Variants in PNP observed in about 807,000 individuals in gnomAD.
The protein encoded by PNP is HEL-S-156an.
A neutral mutation model predicts 26.8 loss-of-function variants in PNP; 18 were observed. The ratio of observed to expected loss-of-function variants is 0.67; its 90% CI spans 0.46 to 1.00. The LOEUF (loss-of-function observed/expected upper bound fraction) is 1.00. Ranked by LOEUF, PNP falls within the 50% of genes least tolerant of loss-of-function variation. The pLI is 0.00. For synonymous variants in PNP, 116 were observed against 124.8 expected, an observed-to-expected ratio of 0.93 and a Z score of 0.47; for missense variants, 320 against 362.9, an observed-to-expected ratio of 0.88 and a Z score of 0.96.
Position 20,475,615 on chromosome 14 carries a change from G to A in PNP, c.652+363G>A, listed in dbSNP as rs373936258. Among the ~76,000 whole-genome samples the A allele has an allele frequency of 3.9e-5, 6 of 152,078 alleles. No homozygotes were observed. The East Asian group carries it at 9.7e-4, about 25-fold the overall frequency. ...TTCTCATGCCTCAGCCTTCCGAGTA[G>A]CTGGGATTACAGACGTGTGCCACCA... On this transcript the variant is annotated intron_variant, in intron 5 of 5. Coordinates refer to ENST00000361505, the MANE Select transcript of PNP (RefSeq NM_000270.4).
chr14:20,476,691 CT>C lies in PNP; in HGVS notation c.*92del. On this transcript the variant is annotated 3_prime_UTR_variant, in exon 6 of 6. Transcript: ENST00000361505. ...CTTGCTGGAGTCATGTGCCTCTGTC[CT>C]TAGGTTGTAGCAGAAAGGAAAAGAT... 9.9e-7 allele frequency: 1 copy of C among 1,008,886 alleles called. No individual in the cohort carries two copies. The highest frequency in any genetic ancestry group is 1.6e-6 in the Non-Finnish European group (1 of 641,430). The allele number at this position is 1,008,886 out of a possible 1,614,324, so 62.5% of individuals were successfully genotyped here. A position where few individuals can be genotyped will look rare whatever the true frequency, so the allele number is the denominator to read the frequency against.
intron 1 of PNP, among the ~76,000 whole-genome samples, chr14:20,471,348 C>G (rs1295488137): frequency 2.0e-5 from 3 of 151,566 alleles, no homozygotes; most frequent in Non-Finnish European, 4.4e-5. Context: ...CGCGCCCAGC[C>G]CCTAAACCTG....
In PNP at chr14:20,469,437, C is replaced by G. The variant is rs1881935154; in HGVS notation, c.-88C>G. The G allele has an allele frequency of 1.3e-6, 2 of 1,518,894 alleles. No homozygotes were observed. The highest frequency in any genetic ancestry group is 3.9e-5 in the Admixed American group (2 of 50,940). The allele number at this position is 1,518,894 out of a possible 1,614,324, so 94.1% of individuals were successfully genotyped here. Reference sequence around the variant, plus strand: ...GCGAACCAGACCCGGCAGCCTTGCTCAGTTCAGCATAGCGGAGCGGATCCG... The same window carrying G: ...GCGAACCAGACCCGGCAGCCTTGCTGAGTTCAGCATAGCGGAGCGGATCCG... On this transcript the variant is annotated 5_prime_UTR_variant, in exon 1 of 6. Coordinates refer to ENST00000361505, the MANE Select transcript of PNP (RefSeq NM_000270.4).
chr14:20,475,293 G>C (rs373320451), intron 5 of PNP, 41 bp downstream of exon 5: 1 of 1,577,332 alleles, frequency 6.3e-7, no homozygotes, highest in Non-Finnish European at 8.7e-7. Flanking sequence ...AGAGGGAGGG[G>C]TTTAGCAAAA....
In PNP at chr14:20,475,293, G is replaced by T; in HGVS notation, c.652+41G>T. 2.5e-6 allele frequency: 4 copies of T among 1,577,332 alleles called. 1 individual carries two copies. The highest frequency in any genetic ancestry group is 2.2e-5 in the South Asian group (2 of 88,972). On this transcript the variant is annotated intron_variant, in intron 5 of 5. Coordinates refer to ENST00000361505, the MANE Select transcript of PNP (RefSeq NM_000270.4). ...TGGCTGGAAGCTTGAAGAGGGAGGG[G>T]TTTAGCAAAATGGGAAGGGGAAGGA...
At chr14:20,469,571 AGGGGCAGGTGCTGTGACCC>A (rs1007132558) in intron 1 of PNP, 36 bp downstream of exon 1, 21 of 1,553,712 alleles carry the variant, frequency 1.4e-5, no homozygotes, top group Non-Finnish European at 1.8e-5. Flanking sequence ...ACCCTTGGGG[AGGGGCAGGTGCTGTGACCC>A]GGGAACCTGG....
At chr14:20,474,747 T>C (rs1882061161) in intron 3 of PNP, 26 bp from the exon 4 acceptor site, 1 of 1,610,810 alleles carries the variant, frequency 6.2e-7, no homozygotes, top group Middle Eastern at 1.7e-4. Context: ...ATTTTGTAAA[T>C]TTTTTTCGGA....
At chr14:20,472,245 T>A in intron 1 of PNP, 63 bp from the exon 2 acceptor site, 8 of 1,440,446 alleles carry the variant, frequency 5.6e-6, no homozygotes, top group Non-Finnish European at 7.8e-6. Context: ...GCACCGAAGG[T>A]CATTTGTCTG....
chr14:20,472,578 T>C, intron 2 of PNP, 101 bp downstream of exon 2: 1 of 1,106,418 alleles, frequency 9.0e-7, no homozygotes, highest in East Asian at 2.5e-5. Flanking sequence ...GACCTAGCAT[T>C]TCACTGAAGA....
chr14:20,471,341 G>A (rs369432349), intron 1 of PNP, among the ~76,000 whole-genome samples: 1 of 151,090 alleles, frequency 6.6e-6, no homozygotes, highest in Non-Finnish European at 1.5e-5. Flanking sequence ...GAGCCACCGC[G>A]CCCAGCCCCT....
chr14:20,475,107 T>C lies in PNP; in HGVS notation c.507T>C (p.Thr169=), dbSNP rs1214865119. Reference sequence around the variant, plus strand: ...CCATGTCTGATGCCTACGACCGGACTATGAGGCAGAGGGCTCTCAGTACCT... The same window carrying C: ...CCATGTCTGATGCCTACGACCGGACCATGAGGCAGAGGGCTCTCAGTACCT... ...FPAMSDAYDR[T]MRQRALSTWK... Residue 169 remains threonine, a synonymous_variant, in exon 5 of 6, where the codon ACT becomes ACC. Transcript: ENST00000361505. 6.2e-7 allele frequency: 1 copy of C among 1,614,184 alleles called. No individual in the cohort carries two copies. The highest frequency in any genetic ancestry group is 8.5e-7 in the Non-Finnish European group (1 of 1,180,040).
At position 20,474,543 on chromosome 14, in the gene PNP, T is replaced by G. The variant is rs1425542610; in HGVS notation, c.253T>G (p.Phe85Val). 1 of 1,614,146 alleles carries G rather than the reference T, an allele frequency of 6.2e-7. No homozygotes were observed. The highest frequency in any genetic ancestry group is 8.5e-7 in the Non-Finnish European group (1 of 1,180,008). ...GRACVMMQGRFHMYEGYPLWK... is the reference protein window; with the variant it reads ...GRACVMMQGRVHMYEGYPLWK... ...GGCCTGTGTGATGATGCAGGGCAGG[T>G]TCCACATGTATGAAGGGTACCCACT... The change falls in exon 3 of 6, where the codon TTC (phenylalanine) becomes GTC (valine). Residue 85 changes from phenylalanine (F) to valine (V), a missense_variant. Phe to Val is a conservative substitution (Grantham distance 50). Transcript: ENST00000361505.
chr14:20,474,641 A>G (rs2139337729), intron 3 of PNP, 66 bp downstream of exon 3: 1 of 1,541,000 alleles, frequency 6.5e-7, no homozygotes, highest in Non-Finnish European at 9.0e-7. Flanking sequence ...AGCCTCTTTC[A>G]CTACCTAGCT....
chr14:20,474,433 A>T (rs759876226), intron 2 of PNP, 39 bp from the exon 3 acceptor site: 1 of 1,545,452 alleles, frequency 6.5e-7, no homozygotes, highest in Non-Finnish European at 8.9e-7. Context: ...TTGCATGAAA[A>T]TATAATCCCA....
intron 1 of PNP, 21 bp downstream of exon 1, chr14:20,469,556 G>T (rs749970111): frequency 6.5e-5 from 101 of 1,554,714 alleles, no homozygotes; most frequent in Non-Finnish European, 8.4e-5. Flanking sequence ...CACCAGGCCC[G>T]CAGGACCCTT....
intron 1 of PNP, among the ~76,000 whole-genome samples, chr14:20,471,860 C>CAG (rs1881994261): frequency 6.6e-6 from 1 of 152,212 alleles, no homozygotes; most frequent in South Asian, 2.1e-4. Context: ...GCACCACCCT[C>CAG]AGGAAGGGCT....
Position 20,476,652 on chromosome 14 carries a change from A to C in PNP, c.*51A>C, listed in dbSNP as rs372200673. 1 of 1,458,314 alleles carries C rather than the reference A, an allele frequency of 6.9e-7. No homozygotes were observed. 90.3% of individuals were successfully genotyped at this position (1,458,314 alleles called of 1,614,324 possible). A position where few individuals can be genotyped will look rare whatever the true frequency, so the allele number is the denominator to read the frequency against. On this transcript the variant is annotated 3_prime_UTR_variant, in exon 6 of 6. Transcript: ENST00000361505. ...CCCACACAAGACCCAAGTAGCTGCT[A>C]CCTTCTTTGGCCCCTTGCTGGAGTC... is the stretch of plus-strand genomic sequence containing the variant.
chr14:20,472,593 T>C, intron 2 of PNP, 116 bp downstream of exon 2: 2 of 1,024,770 alleles, frequency 2.0e-6, no homozygotes, highest in Non-Finnish European at 3.0e-6. Flanking sequence ...TGAAGACAAA[T>C]GTTGTAAGAG....
chr14:20,469,679 C>A, intron 1 of PNP, 144 bp downstream of exon 1: 1 of 1,143,702 alleles, frequency 8.7e-7, no homozygotes, highest in South Asian at 1.3e-5. Context: ...AGCCTAGTGT[C>A]GGGAGCAAGG....
Sources: allele counts gnomAD v4.1 joint callset (sites outside exome capture counted in the v4.1 genomes callset), GRCh38; gene constraint gnomAD v4.1.1; transcripts MANE v1.5; gene names NCBI Gene and HGNC (gene_info 2026-07-23, HGNC 2026-07-21).